The following KLHL29 variants were observed in gnomAD, a reference collection of about 807,000 sequenced individuals.
The protein encoded by KLHL29 is kelch-like protein 29.
KLHL29 carries 21 observed loss-of-function variants against 80.4 expected under a neutral mutation model. That is an observed-to-expected ratio of 0.26 (90% CI 0.19 to 0.38). The LOEUF (loss-of-function observed/expected upper bound fraction) is 0.38, where lower values mean the gene tolerates loss of function less well. KLHL29 is among the 10% of genes least tolerant of loss of function. KLHL29 has a pLI of 1.00. For missense variants in KLHL29, 867 were observed against 1,223.9 expected, an observed-to-expected ratio of 0.71 and a Z score of 4.35; for synonymous variants, 511 against 526.8, an observed-to-expected ratio of 0.97 and a Z score of 0.41.
rs533117138 is a variant in KLHL29, at chr2:23,490,643, G to A, written c.-46+14976G>A. ...TTGATTGGATTTAAATAATGGAATTGCCATTAATATCTTTCATAAAAGATG... is the reference window on the plus strand; with the variant it reads ...TTGATTGGATTTAAATAATGGAATTACCATTAATATCTTTCATAAAAGATG... On this transcript the variant is annotated intron_variant, in intron 2 of 13. Transcript: ENST00000486442. Among the ~76,000 whole-genome samples, 122 of 152,310 alleles carry A rather than the reference G, an allele frequency of 8.0e-4. 1 individual carries two copies. Among genetic ancestry groups the A allele is most frequent in the African/African-American group, 2.8e-3 (118 of 41,562 alleles).
chr2:23,597,361 GTA>G (rs1558402744), intron 3 of KLHL29, among the ~76,000 whole-genome samples: 29 of 81,554 alleles, frequency 3.6e-4, no homozygotes, highest in African/African-American at 7.2e-4. Flanking sequence ...ATATGTGTAT[GTA>G]TATATATATG....
At chr2:23,450,245 C>G (rs1278031985) in intron 1 of KLHL29, among the ~76,000 whole-genome samples, 2 of 152,124 alleles carry the variant, frequency 1.3e-5, no homozygotes, top group Non-Finnish European at 2.9e-5. Flanking sequence ...CCCAAGATTT[C>G]CCAGGTCATG....
Position 23,562,117 on chromosome 2 carries a change from C to T in KLHL29, c.-45-35C>T, listed in dbSNP as rs1458532981. The T allele has an allele frequency of 1.3e-6, 2 of 1,517,640 alleles. No homozygotes were observed. The highest frequency in any genetic ancestry group is 2.0e-5 in the Admixed American group (1 of 49,956). 94.0% of individuals were successfully genotyped at this position (1,517,640 alleles called of 1,614,324 possible). On this transcript the variant is annotated intron_variant, in intron 2 of 13. Transcript: ENST00000486442. The surrounding 1 kb of genome is among the most constrained non-coding windows in gnomAD (Gnocchi z 4.5). ...GTCAGTTGTCGCTGCCTGCTCCAGT[C>T]CTAAATCACCCTTCTCTCCACCCTG... is the stretch of plus-strand genomic sequence containing the variant.
chr2:23,471,526 T>G (rs928364482), intron 1 of KLHL29, among the ~76,000 whole-genome samples: 2 of 152,196 alleles, frequency 1.3e-5, no homozygotes, highest in African/African-American at 2.4e-5. Flanking sequence ...TTCATATTGG[T>G]CTTAATGCCT....
rs911442159 is a variant in KLHL29 at position 23,647,744 on chromosome 2, A to G, written c.940+4894A>G. Among the ~76,000 whole-genome samples the G allele has an allele frequency of 2.0e-5, 3 of 152,038 alleles. No individual in the cohort carries two copies. The highest frequency in any genetic ancestry group is 4.4e-5 in the Non-Finnish European group (3 of 67,992). On this transcript the variant is annotated intron_variant, in intron 5 of 13. Transcript: ENST00000486442. The surrounding 1 kb of genome is among the most constrained non-coding windows in gnomAD (Gnocchi z 4.9). ...CAGCGCTGACTCGGTGCTTGCCACC[A>G]CTTCATCCTTTGCTGTTCTGCTTGC... is the stretch of plus-strand genomic sequence containing the variant.
In KLHL29 at chr2:23,703,727, T is replaced by C; in HGVS notation, c.2308T>C (p.Tyr770His). The C allele has an allele frequency of 1.8e-5, 27 of 1,536,232 alleles. No homozygotes were observed. The highest frequency in any genetic ancestry group is 2.4e-5 in the Non-Finnish European group (27 of 1,146,414). Residue 770 changes from tyrosine to histidine, a missense_variant, in exon 13 of 14, where the codon TAT (tyrosine) becomes CAT (histidine). Tyr to His is a moderately conservative substitution (Grantham distance 83, BLOSUM62 2). This residue lies in a region of KLHL29 where 443 missense variants were observed against 767.0 expected (regional missense o/e 0.58). Transcript: ENST00000486442. ...CTCTGCTCTCCTCACAGACAACAAG[T>C]ATGCCCCCGCTGTCACGCTCAATGG... is the stretch of plus-strand genomic sequence containing the variant. ...FIESPMIDNK[Y>H]APAVTLNGFV...
chr2:23,555,718 C>T (rs1201361157), intron 2 of KLHL29, among the ~76,000 whole-genome samples: 1 of 152,256 alleles, frequency 6.6e-6, no homozygotes, highest in Non-Finnish European at 1.5e-5. Flanking sequence ...GGCAGGAATA[C>T]ACCCTTCACC....
At chr2:23,604,294 A>C (rs1457765984) in intron 3 of KLHL29, among the ~76,000 whole-genome samples, 1 of 151,936 alleles carries the variant, frequency 6.6e-6, no homozygotes, top group Non-Finnish European at 1.5e-5. Context: ...ACGGGGTTTC[A>C]CCGTGTTAGC....
intron 2 of KLHL29, among the ~76,000 whole-genome samples, chr2:23,526,309 T>C (rs1666316943): frequency 6.6e-6 from 1 of 151,600 alleles, no homozygotes; most frequent in Non-Finnish European, 1.5e-5. Flanking sequence ...ACCAGAGCTG[T>C]GGTCAGGGCA....
chr2:23,547,134 T>C (rs948959685), intron 2 of KLHL29, among the ~76,000 whole-genome samples: 54 of 152,304 alleles, frequency 3.5e-4, no homozygotes, highest in Non-Finnish European at 1.8e-4. Context: ...ACGGAGGCTG[T>C]CTCTGCCCGT....
intron 2 of KLHL29, among the ~76,000 whole-genome samples, chr2:23,539,925 G>A (rs1470659168): frequency 1.3e-5 from 2 of 152,154 alleles, no homozygotes; most frequent in East Asian, 3.8e-4. Context: ...CTTCTGTTAA[G>A]CAACCTTCGT....
intron 3 of KLHL29, among the ~76,000 whole-genome samples, chr2:23,571,243 A>T (rs1319623439): frequency 6.6e-6 from 1 of 152,218 alleles, no homozygotes; most frequent in Non-Finnish European, 1.5e-5. Flanking sequence ...CTCAGACTGG[A>T]GGATGGCGGG....
intron 2 of KLHL29, among the ~76,000 whole-genome samples, chr2:23,526,701 C>G (rs1666331764): frequency 6.6e-6 from 1 of 152,304 alleles, no homozygotes; most frequent in East Asian, 1.9e-4. Flanking sequence ...TCACAAGTCT[C>G]TAGCGTGGGG....
chr2:23,452,902 A>ACCG (rs1553325445), intron 1 of KLHL29, among the ~76,000 whole-genome samples: 19 of 137,292 alleles, frequency 1.4e-4, no homozygotes, highest in African/African-American at 5.9e-4. Context: ...AAGACTGGTC[A>ACCG]CCCCCCCGCC....
At chr2:23,553,277 G>T (rs1312171025) in intron 2 of KLHL29, among the ~76,000 whole-genome samples, 1 of 152,262 alleles carries the variant, frequency 6.6e-6, no homozygotes, top group Non-Finnish European at 1.5e-5. Flanking sequence ...GGTGAGGACT[G>T]GGGGCCAGGA....
At chr2:23,452,765 GATAAA>G (rs1327657975) in intron 1 of KLHL29, among the ~76,000 whole-genome samples, 12 of 152,278 alleles carry the variant, frequency 7.9e-5, no homozygotes, top group African/African-American at 1.2e-4. Flanking sequence ...AAGGCCACCA[GATAAA>G]ATAAAGAAAA....
At chr2:23,448,392 A>G (rs867273768) in intron 1 of KLHL29, among the ~76,000 whole-genome samples, 7 of 152,338 alleles carry the variant, frequency 4.6e-5, no homozygotes, top group Non-Finnish European at 1.0e-4. Context: ...CCCTTAAACC[A>G]TGAGGAAACT....
chr2:23,597,892 T>C (rs960068996), intron 3 of KLHL29, among the ~76,000 whole-genome samples: 5 of 152,172 alleles, frequency 3.3e-5, no homozygotes, highest in Non-Finnish European at 7.3e-5. Flanking sequence ...TGCCCGTTCA[T>C]GGCCTCTGGG....
chr2:23,463,926 C>T (rs1319792715), intron 1 of KLHL29, among the ~76,000 whole-genome samples: 1 of 152,146 alleles, frequency 6.6e-6, no homozygotes, highest in Non-Finnish European at 1.5e-5. Flanking sequence ...AATCAAGGTG[C>T]CTGTCCTGGA....
Sources: gnomAD v4.1 joint callset for allele counts (sites outside exome capture counted in the v4.1 genomes callset) on GRCh38, gnomAD v4.1.1 for gene constraint, gnomAD v4.1.1 regional missense constraint, Gnocchi (gnomAD v3.1) non-coding constraint, MANE v1.5 for transcripts, NCBI Gene and HGNC (gene_info 2026-07-23, HGNC 2026-07-21) for gene names.